The following CCDC150 variants were observed in gnomAD, a reference collection of about 807,000 sequenced individuals.
CCDC150 encodes coiled-coil domain-containing protein 150.
CCDC150 carries 151 observed loss-of-function variants against 156.5 expected under a neutral mutation model. That is an observed-to-expected ratio of 0.97 (90% CI 0.85 to 1.10). The LOEUF (loss-of-function observed/expected upper bound fraction) is 1.10. Among genes scored for constraint, CCDC150 ranks in the 50% least tolerant of loss-of-function variants. The pLI, the probability that CCDC150 is intolerant of heterozygous loss-of-function variation, is 0.00. For synonymous variants in CCDC150, 452 were observed against 429.4 expected, an observed-to-expected ratio of 1.05 and a Z score of -0.65; for missense variants, 1,312 against 1,268.1, an observed-to-expected ratio of 1.03 and a Z score of -0.53.
At chr2:196,646,165 G>A (rs1692525832) in intron 1 of CCDC150, among the ~76,000 whole-genome samples, 176 bp from the exon 2 acceptor site, 1 of 152,178 alleles carries the variant, frequency 6.6e-6, no homozygotes, top group Non-Finnish European at 1.5e-5. Flanking sequence ...GAGAGAGATG[G>A]TGAAGAACAA....
rs1693195551 is a variant in CCDC150, at chr2:196,656,497, G to A, written c.177-136G>A. On this transcript the variant is annotated intron_variant, in intron 2 of 27. Coordinates refer to ENST00000389175, the MANE Select transcript of CCDC150 (RefSeq NM_001080539.2). The stretch of plus-strand genomic sequence containing the variant: ...TAGTGTGTCCCTATGTGGAGGGAGA[G>A]TCAGAAGCCTGCCATGTTGGTGATG... 4.7e-6 allele frequency: 3 copies of A among 642,624 alleles called. No individual in the cohort carries two copies. In the South Asian group the frequency reaches 5.9e-5, roughly 13 times the overall value. 39.8% of individuals were successfully genotyped at this position (642,624 alleles called of 1,614,324 possible). A position where few individuals can be genotyped will look rare whatever the true frequency, so the allele number is the denominator to read the frequency against.
chr2:196,692,121 ATTTTTT>A lies in CCDC150; in HGVS notation c.1510-2906_1510-2901del, dbSNP rs1161513452. On this transcript the variant is annotated intron_variant, in intron 13 of 27. Coordinates refer to ENST00000389175, the MANE Select transcript of CCDC150 (RefSeq NM_001080539.2). ...AGTTAGGTTGTAAACTTGAGATCTAATTTTTTTTTTTTTTTTTTTTTTTTGAGACGG... is the reference window on the plus strand; with the variant it reads ...AGTTAGGTTGTAAACTTGAGATCTAATTTTTTTTTTTTTTTTTTGAGACGG... Among the ~76,000 whole-genome samples the A allele has an allele frequency of 8.1e-5, 5 of 62,020 alleles. No homozygotes were observed. In the South Asian group the frequency reaches 2.1e-3, roughly 26 times the overall value. The allele number at this position is 62,020 out of a possible 152,430, so 40.7% of individuals were successfully genotyped here.
rs762401762 is a variant in CCDC150, at chr2:196,712,266, C to G, written c.1803+14C>G. 7.4e-7 allele frequency: 1 copy of G among 1,358,874 alleles called. No homozygotes were observed. The highest frequency in any genetic ancestry group is 1.5e-5 in the African/African-American group (1 of 68,358). 84.2% of individuals were successfully genotyped at this position (1,358,874 alleles called of 1,614,324 possible). A position where few individuals can be genotyped will look rare whatever the true frequency, so the allele number is the denominator to read the frequency against. ...AAATATGCTCAGGTGTGATTAATAT[C>G]TACAAAAGCGGATTGCTGCTATATT... On this transcript the variant is annotated intron_variant, in intron 16 of 27. Coordinates refer to ENST00000389175, the MANE Select transcript of CCDC150 (RefSeq NM_001080539.2).
At chr2:196,697,017 G>A (rs951212761) in intron 14 of CCDC150, among the ~76,000 whole-genome samples, 2 of 152,170 alleles carry the variant, frequency 1.3e-5, no homozygotes, top group Non-Finnish European at 2.9e-5. Flanking sequence ...GTATCCCACA[G>A]TATACTCTGC....
chr2:196,695,167 TA>T lies in CCDC150; in HGVS notation c.1623+13del. On this transcript the variant is annotated intron_variant, in intron 14 of 27. Transcript: ENST00000389175. ...ACTTCTGATTACCATGGGGTGGGTA[TA>T]AAAAGATCAGTCTAAATAGCAATTA... 1 of 1,498,180 alleles carries T rather than the reference TA, an allele frequency of 6.7e-7. No homozygotes were observed. The highest frequency in any genetic ancestry group is 9.3e-7 in the Non-Finnish European group (1 of 1,077,080). The allele number at this position is 1,498,180 out of a possible 1,614,324, so 92.8% of individuals were successfully genotyped here.
intron 11 of CCDC150, 46 bp downstream of exon 11, chr2:196,676,313 T>C (rs1694501452): frequency 6.2e-7 from 1 of 1,600,528 alleles, no homozygotes; most frequent in East Asian, 2.2e-5. Flanking sequence ...TGTTCTTGCA[T>C]GTGTGTTTCT....
At chr2:196,696,230 A>T (rs1400260970) in intron 14 of CCDC150, among the ~76,000 whole-genome samples, 2 of 152,160 alleles carry the variant, frequency 1.3e-5, no homozygotes, top group East Asian at 3.9e-4. Context: ...GTAAATTAAT[A>T]CACACAGAAC....
At chr2:196,645,739 G>A (rs1212985998) in intron 1 of CCDC150, among the ~76,000 whole-genome samples, 1 of 152,196 alleles carries the variant, frequency 6.6e-6, no homozygotes. Flanking sequence ...GCTCTTGCCT[G>A]AAGTTAAGGT....
chr2:196,715,574 T>C (rs796812683), intron 17 of CCDC150, among the ~76,000 whole-genome samples: 59 of 152,320 alleles, frequency 3.9e-4, no homozygotes, highest in African/African-American at 1.4e-3. Flanking sequence ...CAAAATAGTT[T>C]GATGAACGTT....
intron 17 of CCDC150, 75 bp downstream of exon 17, chr2:196,712,814 A>G (rs898896187): frequency 2.8e-6 from 3 of 1,075,588 alleles, no homozygotes; most frequent in Admixed American, 2.3e-5. Flanking sequence ...TTCACATAAT[A>G]TTTTAACGAA....
Position 196,644,603 on chromosome 2 carries a change from G to A in CCDC150, c.13-1738G>A, listed in dbSNP as rs76305438. Reference sequence around the variant, plus strand: ...AGGAGCCCCACTTCGAATATTTTGCGTGTCCAGAGACTGCATCAATATCTG... The same window carrying A: ...AGGAGCCCCACTTCGAATATTTTGCATGTCCAGAGACTGCATCAATATCTG... On this transcript the variant is annotated intron_variant, in intron 1 of 27. Transcript: ENST00000389175. 2.3e-3 allele frequency among the ~76,000 whole-genome samples: 346 copies of A among 151,946 alleles called. 1 individual carries two copies. Among genetic ancestry groups the A allele is most frequent in the African/African-American group, 7.9e-3 (326 of 41,410 alleles).
intron 13 of CCDC150, among the ~76,000 whole-genome samples, chr2:196,683,297 C>G (rs935639082): frequency 2.0e-5 from 3 of 152,050 alleles, no homozygotes; most frequent in East Asian, 3.9e-4. Context: ...GTTCTTTGTT[C>G]TATTACTATG....
chr2:196,657,542 G>GT (rs1383693418), intron 4 of CCDC150: 2 of 177,578 alleles, frequency 1.1e-5, no homozygotes, highest in African/African-American at 4.8e-5. Context: ...AGGGCTTTGT[G>GT]TTCAGACATG....
At chr2:196,711,682 C>T (rs1174967250) in intron 15 of CCDC150, among the ~76,000 whole-genome samples, 1 of 152,048 alleles carries the variant, frequency 6.6e-6, no homozygotes, top group African/African-American at 2.4e-5. Context: ...AATATTGTGT[C>T]AGTGAAACAC....
chr2:196,706,559 A>T (rs1047475515), intron 15 of CCDC150, among the ~76,000 whole-genome samples: 5 of 152,126 alleles, frequency 3.3e-5, no homozygotes, highest in African/African-American at 4.8e-5. Context: ...GTTGAATAGG[A>T]GTGGTGAGAG....
intron 2 of CCDC150, among the ~76,000 whole-genome samples, chr2:196,654,361 C>T (rs1489177956): frequency 2.0e-5 from 3 of 151,148 alleles, no homozygotes; most frequent in Non-Finnish European, 4.4e-5. Context: ...ACTTTTCTTT[C>T]TGCAATTTTG....
At chr2:196,731,942 A>G (rs2125724100) in intron 26 of CCDC150, 91 bp from the exon 27 acceptor site, 1 of 1,297,188 alleles carries the variant, frequency 7.7e-7, no homozygotes, top group South Asian at 1.4e-5. Context: ...TGGGTCTTTT[A>G]ATTTCTAAGT....
chr2:196,701,158 C>A lies in CCDC150; in HGVS notation c.1673C>A (p.Ala558Asp). 2 of 1,606,386 alleles carry A rather than the reference C, an allele frequency of 1.2e-6. No individual in the cohort carries two copies. Among genetic ancestry groups the A allele is most frequent in the Non-Finnish European group, 1.7e-6 (2 of 1,176,570 alleles). The change falls in exon 15 of 28, where the codon GCC becomes GAC. Residue 558 changes from alanine (A) to aspartate (D), a missense_variant. Coordinates refer to ENST00000389175, the MANE Select transcript of CCDC150 (RefSeq NM_001080539.2). ...EKITESKNKL[A>D]YENGKLQIKV... is the part of the protein sequence containing the mutation. ...ATCACTGAAAGTAAAAATAAACTGG[C>A]CTATGAAAACGGAAAACTCCAGGTA...
rs753634348 is a variant in CCDC150, at chr2:196,712,146, TAA to T, written c.1700_1701del (p.Lys567SerfsTer2). On this transcript the variant is annotated frameshift_variant and splice_region_variant, in exon 16 of 28. Coordinates refer to ENST00000389175, the MANE Select transcript of CCDC150 (RefSeq NM_001080539.2). LOFTEE classifies it high-confidence loss of function. ...TTTGTATTTTTGTTTTTCCTCTAGATAAAAGTTAAACAGCTAGAAGAACAAGT... is the reference window on the plus strand; with the variant it reads ...TTTGTATTTTTGTTTTTCCTCTAGATAAGTTAAACAGCTAGAAGAACAAGT... The T allele has an allele frequency of 1.3e-6, 2 of 1,506,762 alleles. No homozygotes were observed. The highest frequency in any genetic ancestry group is 1.8e-6 in the Non-Finnish European group (2 of 1,115,026). The allele number at this position is 1,506,762 out of a possible 1,614,324, so 93.3% of individuals were successfully genotyped here.
Sources: allele counts gnomAD v4.1 joint callset (sites outside exome capture counted in the v4.1 genomes callset), GRCh38; gene constraint gnomAD v4.1.1; transcripts MANE v1.5; gene names NCBI Gene and HGNC (gene_info 2026-07-23, HGNC 2026-07-21).